The following CCDC178 variants were observed in gnomAD, a reference collection of about 807,000 sequenced individuals.
CCDC178 encodes coiled-coil domain containing 178.
In CCDC178, 126 loss-of-function variants were observed where a neutral mutation model predicts 117.4. The ratio of observed to expected loss-of-function variants is 1.07; its 90% confidence interval spans 0.93 to 1.24. CCDC178 has a LOEUF of 1.24. Ranked by LOEUF, CCDC178 falls within the 50% of genes most tolerant of loss-of-function variation. CCDC178 has a pLI of 0.00. For synonymous variants in CCDC178, 283 were observed against 313.4 expected (o/e 0.90, Z 1.02); for missense variants, 1,030 against 986.9 (o/e 1.04, Z -0.59).
intron 11 of CCDC178, among the ~76,000 whole-genome samples, chr18:33,308,159 C>T (rs2062283696): frequency 6.6e-6 from 1 of 152,194 alleles, no homozygotes; most frequent in African/African-American, 2.4e-5. Flanking sequence ...AATACCAGCC[C>T]ATGAAAGCAG....
intron 20 of CCDC178, among the ~76,000 whole-genome samples, chr18:33,120,968 T>C (rs1044173837): frequency 6.6e-6 from 1 of 152,096 alleles, no homozygotes; most frequent in Non-Finnish European, 1.5e-5. Flanking sequence ...CTGTTTTTAT[T>C]TGGAAATTAG....
chr18:33,068,471 G>A (rs375302941), intron 21 of CCDC178, among the ~76,000 whole-genome samples: 37 of 152,148 alleles, frequency 2.4e-4, no homozygotes, highest in African/African-American at 8.4e-4. Flanking sequence ...ATAATATACC[G>A]TGATCAAGTG....
intron 2 of CCDC178, among the ~76,000 whole-genome samples, chr18:33,418,868 C>G (rs554541266): frequency 1.3e-5 from 2 of 152,264 alleles, no homozygotes; most frequent in South Asian, 4.1e-4. Flanking sequence ...ATTCCATAGT[C>G]TTGGATTTGA....
chr18:33,264,752 G>T (rs1599073499), intron 14 of CCDC178, among the ~76,000 whole-genome samples: 1 of 152,030 alleles, frequency 6.6e-6, no homozygotes, highest in African/African-American at 2.4e-5. Flanking sequence ...TTTGTTCAAA[G>T]GAATGTGAGT....
chr18:33,162,992 T>C (rs2058485921), intron 20 of CCDC178, among the ~76,000 whole-genome samples: 1 of 152,166 alleles, frequency 6.6e-6, no homozygotes, highest in South Asian at 2.1e-4. Flanking sequence ...TGTTTTTAGC[T>C]CTTTGAGGAA....
chr18:33,267,293 T>C lies in CCDC178; in HGVS notation c.1181A>G (p.Glu394Gly). ...TTGGTCATAAACTCTTCTCAAATCT[T>C]CCAGCTAAGAAAGAAGATATACAGA... is the stretch of plus-strand genomic sequence containing the variant. ...NELHSLSKML[E>G]DLRRVYDQLT... is the part of the protein sequence containing the mutation. Residue 394 changes from glutamate to glycine, a missense_variant, in exon 13 of 23, where the codon GAA (glutamate) becomes GGA (glycine). Transcript: ENST00000383096. 1 of 1,582,886 alleles carries C rather than the reference T, an allele frequency of 6.3e-7. No homozygotes were observed. The highest frequency in any genetic ancestry group is 8.6e-7 in the Non-Finnish European group (1 of 1,165,408).
chr18:33,279,565 C>G (rs986858825), intron 12 of CCDC178, among the ~76,000 whole-genome samples: 11 of 152,182 alleles, frequency 7.2e-5, no homozygotes, highest in Admixed American at 6.5e-5. Context: ...CCCCATCAAG[C>G]TACCAATGAC....
chr18:33,098,395 A>G (rs758561597), intron 20 of CCDC178, among the ~76,000 whole-genome samples: 3 of 152,006 alleles, frequency 2.0e-5, no homozygotes, highest in Non-Finnish European at 4.4e-5. Context: ...ATGTATTGTA[A>G]GAGAGCTGTC....
chr18:33,223,105 C>G lies in CCDC178; in HGVS notation c.1932+1G>C. On this transcript the variant is annotated splice_donor_variant, in intron 18 of 22. Coordinates refer to ENST00000383096, the MANE Select transcript of CCDC178 (RefSeq NM_001105528.4). LOFTEE classifies it high-confidence loss of function. The stretch of plus-strand genomic sequence containing the variant: ...ATTAGATTCTGAACTTAAATTCTTA[C>G]CTCAGTTTCTATTAATGCATCAAGG... 1.6e-5 allele frequency: 25 copies of G among 1,556,590 alleles called. No homozygotes were observed. Among genetic ancestry groups the G allele is most frequent in the Non-Finnish European group, 2.2e-5 (25 of 1,137,836 alleles).
intron 21 of CCDC178, among the ~76,000 whole-genome samples, chr18:32,983,522 C>A (rs528448861): frequency 2.0e-4 from 30 of 152,132 alleles, no homozygotes; most frequent in Middle Eastern, 3.4e-3. Context: ...TTTGCATTTG[C>A]ACCTTAGGTA....
At chr18:33,218,745 A>G (rs1327149254) in intron 18 of CCDC178, among the ~76,000 whole-genome samples, 2 of 152,120 alleles carry the variant, frequency 1.3e-5, no homozygotes, top group African/African-American at 4.8e-5. Context: ...CAGGTTTGTC[A>G]AAGATCAGAT....
At position 33,389,639 on chromosome 18, in the gene CCDC178, A is replaced by G; in HGVS notation, c.119-10T>C. 7.1e-7 allele frequency: 1 copy of G among 1,404,012 alleles called. No individual in the cohort carries two copies. Among genetic ancestry groups the G allele is most frequent in the Non-Finnish European group, 9.6e-7 (1 of 1,046,526 alleles). 87.0% of individuals were successfully genotyped at this position (1,404,012 alleles called of 1,614,324 possible). A position where few individuals can be genotyped will look rare whatever the true frequency, so the allele number is the denominator to read the frequency against. ...TGAGACATGGCATTGCCTTTTAAAA[A>G]GAAAAAATACATATTTTAGTGAGTA... On this transcript the variant is annotated splice_polypyrimidine_tract_variant and intron_variant, in intron 4 of 22. Transcript: ENST00000383096.
chr18:33,250,319 T>G (rs1316348749), intron 14 of CCDC178, among the ~76,000 whole-genome samples: 2 of 151,726 alleles, frequency 1.3e-5, no homozygotes, highest in African/African-American at 4.8e-5. Context: ...GTAGAAAAAC[T>G]AAATAATTCC....
chr18:33,141,376 T>C (rs1243683260), intron 20 of CCDC178, among the ~76,000 whole-genome samples: 1 of 152,120 alleles, frequency 6.6e-6, no homozygotes, highest in Non-Finnish European at 1.5e-5. Flanking sequence ...ATCTCTGGCC[T>C]AGCCCCCAAA....
intron 21 of CCDC178, among the ~76,000 whole-genome samples, chr18:33,008,519 C>T (rs2055796063): frequency 6.6e-6 from 1 of 152,064 alleles, no homozygotes; most frequent in Non-Finnish European, 1.5e-5. Context: ...TTCCTCCTCT[C>T]TACTCAATCA....
chr18:33,430,847 C>T (rs1023397575), intron 2 of CCDC178, among the ~76,000 whole-genome samples: 6 of 150,422 alleles, frequency 4.0e-5, no homozygotes, highest in South Asian at 2.1e-4. Flanking sequence ...CCGAGGTGGG[C>T]GGATCACAAG....
intron 14 of CCDC178, among the ~76,000 whole-genome samples, chr18:33,253,132 A>T (rs2059636223): frequency 1.3e-5 from 2 of 151,818 alleles, no homozygotes; most frequent in Non-Finnish European, 2.9e-5. Context: ...AGACAAAATT[A>T]CCAAATTATA....
intron 11 of CCDC178, among the ~76,000 whole-genome samples, chr18:33,305,755 T>TCTC (rs1469349809): frequency 6.6e-6 from 1 of 152,108 alleles, no homozygotes; most frequent in Non-Finnish European, 1.5e-5. Flanking sequence ...TCCTCCTTCT[T>TCTC]CTCCTCCTTG....
intron 14 of CCDC178, among the ~76,000 whole-genome samples, chr18:33,252,152 A>C (rs2059624995): frequency 6.6e-6 from 1 of 151,872 alleles, no homozygotes; most frequent in East Asian, 1.9e-4. Context: ...GAAATAACTC[A>C]ATTCTTGGAA....
Sources: allele counts gnomAD v4.1 joint callset (sites outside exome capture counted in the v4.1 genomes callset), GRCh38; gene constraint gnomAD v4.1.1; transcripts MANE v1.5; gene names NCBI Gene and HGNC (gene_info 2026-07-23, HGNC 2026-07-21).